CCDC178: variants seen among roughly 807,000 people sequenced by gnomAD.
CCDC178 encodes the protein coiled-coil domain containing 178, also known as coiled-coil domain-containing protein 178.
In CCDC178, 126 loss-of-function variants were observed where a neutral mutation model predicts 117.4. The observed-to-expected ratio is 1.07, with a 90% CI of 0.93 to 1.24. The LOEUF is 1.24. Ranked by LOEUF, CCDC178 falls within the 50% of genes most tolerant of loss-of-function variation. CCDC178 has a pLI of 0.00. For synonymous variants in CCDC178, 283 were observed against 313.4 expected (o/e 0.90, Z 1.02); for missense variants, 1,030 against 986.9 (o/e 1.04, Z -0.59).
intron 3 of CCDC178, among the ~76,000 whole-genome samples, chr18:33,408,772 A>G (rs1013937681): frequency 6.6e-6 from 1 of 152,200 alleles, no homozygotes. Context: ...CATTGGAAAA[A>G]CCTTAATAAA....
chr18:33,278,352 T>G (rs1014259341), intron 12 of CCDC178, among the ~76,000 whole-genome samples: 16 of 149,510 alleles, frequency 1.1e-4, no homozygotes, highest in African/African-American at 3.7e-4. Context: ...CCATCATTTT[T>G]TAAGAGATAA....
intron 20 of CCDC178, among the ~76,000 whole-genome samples, chr18:33,193,264 CAAAAAAAAAA>C (rs59092607): frequency 3.9e-5 from 3 of 77,152 alleles, no homozygotes; most frequent in African/African-American, 5.6e-5. Context: ...CTCCGTCTCA[CAAAAAAAAAA>C]AAAAAAAAAA....
chr18:33,371,674 G>T (rs986072602), intron 5 of CCDC178, among the ~76,000 whole-genome samples: 13 of 151,714 alleles, frequency 8.6e-5, no homozygotes, highest in African/African-American at 3.1e-4. Flanking sequence ...ATCAGTGCTG[G>T]TATCCTATGT....
In CCDC178 at chr18:33,193,981, G is replaced by T. The variant is rs74830630; in HGVS notation, c.2238+17915C>A. Among the ~76,000 whole-genome samples the T allele has an allele frequency of 5.7e-4, 87 of 152,228 alleles. 1 individual carries two copies. Among genetic ancestry groups the T allele is most frequent in the Middle Eastern group, 3.4e-3 (1 of 294 alleles). On this transcript the variant is annotated intron_variant, in intron 20 of 22. Transcript: ENST00000383096. ...AAGGCAGACAGGCAGAGGCAAAAGG[G>T]GGCCAAATATGTTCCTTTTATAATG...
chr18:33,213,544 C>T (rs1324731682), intron 19 of CCDC178, among the ~76,000 whole-genome samples: 1 of 151,708 alleles, frequency 6.6e-6, no homozygotes, highest in Non-Finnish European at 1.5e-5. Context: ...ATAGTTGATC[C>T]CAAAAAAACA....
chr18:33,025,849 T>C (rs1239599400), intron 21 of CCDC178, among the ~76,000 whole-genome samples: 1 of 152,172 alleles, frequency 6.6e-6, no homozygotes, highest in Non-Finnish European at 1.5e-5. Context: ...AATTACCATA[T>C]GACCAAACAA....
intron 5 of CCDC178, among the ~76,000 whole-genome samples, chr18:33,376,192 T>A (rs1015437739): frequency 4.6e-5 from 7 of 152,106 alleles, no homozygotes; most frequent in African/African-American, 1.7e-4. Context: ...GCACTGGCTG[T>A]GAGCAGTTAT....
chr18:33,272,479 G>GA (rs547597952), intron 12 of CCDC178, among the ~76,000 whole-genome samples: 115 of 151,670 alleles, frequency 7.6e-4, no homozygotes, highest in African/African-American at 2.6e-3. Context: ...GTTAAAAGAT[G>GA]AATCGACATG....
intron 2 of CCDC178, among the ~76,000 whole-genome samples, chr18:33,420,043 C>T (rs867502270): frequency 2.0e-5 from 3 of 152,026 alleles, no homozygotes; most frequent in South Asian, 2.1e-4. Flanking sequence ...GGAATCATCC[C>T]GAATGCCCAT....
chr18:33,396,886 C>T (rs1172451460), intron 4 of CCDC178, among the ~76,000 whole-genome samples: 1 of 151,960 alleles, frequency 6.6e-6, no homozygotes, highest in African/African-American at 2.4e-5. Flanking sequence ...ATGAAAAAAA[C>T]CCACATATTA....
chr18:33,371,782 T>TACACACAC (rs769582307), intron 5 of CCDC178, among the ~76,000 whole-genome samples: 426 of 53,594 alleles, frequency 7.9e-3, no homozygotes, highest in South Asian at 0.023. Context: ...CATAAACATA[T>TACACACAC]ATACACACAC....
At chr18:33,080,738 T>C (rs1343682942) in intron 21 of CCDC178, among the ~76,000 whole-genome samples, 1 of 152,196 alleles carries the variant, frequency 6.6e-6, no homozygotes, top group Non-Finnish European at 1.5e-5. Flanking sequence ...GGTGTTTTTA[T>C]GAATTAAATA....
At chr18:33,401,745 T>C (rs1383802333) in intron 3 of CCDC178, among the ~76,000 whole-genome samples, 2 of 152,072 alleles carry the variant, frequency 1.3e-5, no homozygotes, top group African/African-American at 2.4e-5. Flanking sequence ...CAAAGGTAGA[T>C]GGGCAATTAT....
At chr18:33,365,537 G>T (rs1041314198) in intron 6 of CCDC178, among the ~76,000 whole-genome samples, 6 of 151,966 alleles carry the variant, frequency 3.9e-5, no homozygotes, top group African/African-American at 1.5e-4. Flanking sequence ...GTTTTAATAA[G>T]AATTCAATGA....
chr18:33,384,621 T>C (rs1438256342), intron 5 of CCDC178, among the ~76,000 whole-genome samples: 2 of 152,138 alleles, frequency 1.3e-5, no homozygotes, highest in Admixed American at 6.6e-5. Flanking sequence ...CTAAGCTTCA[T>C]AAGTGAAGGA....
At chr18:33,172,669 T>C (rs968534978) in intron 20 of CCDC178, among the ~76,000 whole-genome samples, 1 of 152,168 alleles carries the variant, frequency 6.6e-6, no homozygotes, top group African/African-American at 2.4e-5. Flanking sequence ...ATTTTTATTA[T>C]GCTTATCTTC....
chr18:33,203,752 T>G, intron 20 of CCDC178, among the ~76,000 whole-genome samples: 1 of 152,188 alleles, frequency 6.6e-6, no homozygotes, highest in East Asian at 1.9e-4. Flanking sequence ...ACATTATCTC[T>G]CTAGCCTCAC....
chr18:33,394,955 A>G (rs867395101), intron 4 of CCDC178, among the ~76,000 whole-genome samples: 34 of 126,174 alleles, frequency 2.7e-4, no homozygotes, highest in African/African-American at 3.8e-4. Context: ...ATATATATAT[A>G]TATATATATA....
chr18:33,145,309 T>C (rs924742759), intron 20 of CCDC178, among the ~76,000 whole-genome samples: 1 of 152,166 alleles, frequency 6.6e-6, no homozygotes, highest in African/African-American at 2.4e-5. Flanking sequence ...GCCTTGTATT[T>C]TTAAAACTAT....
Sources: allele counts gnomAD v4.1 joint callset (sites outside exome capture counted in the v4.1 genomes callset), GRCh38; gene constraint gnomAD v4.1.1; transcripts MANE v1.5; gene names NCBI Gene and HGNC (gene_info 2026-07-23, HGNC 2026-07-21).